GRIN2A: variants seen among roughly 807,000 people sequenced by gnomAD.
GRIN2A encodes the protein glutamate ionotropic receptor NMDA type subunit 2A.
In GRIN2A, 22 loss-of-function variants were observed where a neutral mutation model predicts 113.4. That is an observed-to-expected ratio of 0.19 (90% CI 0.14 to 0.28). The LOEUF is 0.28. GRIN2A is among the 10% of genes least tolerant of loss of function. GRIN2A has a pLI of 1.00. For synonymous variants in GRIN2A, 827 were observed against 738.4 expected, an observed-to-expected ratio of 1.12 and a Z score of -1.94; for missense variants, 1,502 against 1,887.0, an observed-to-expected ratio of 0.80 and a Z score of 3.78.
intron 11 of GRIN2A, among the ~76,000 whole-genome samples, chr16:9,793,393 T>G (rs1902744771): frequency 6.6e-6 from 1 of 152,136 alleles, no homozygotes; most frequent in Non-Finnish European, 1.5e-5. Context: ...CCACAATCAT[T>G]TTTTTGAAAA....
intron 3 of GRIN2A, among the ~76,000 whole-genome samples, chr16:9,892,159 A>C (rs1372739330): frequency 6.6e-6 from 1 of 152,128 alleles, no homozygotes; most frequent in African/African-American, 2.4e-5. Flanking sequence ...TGAACCCGGG[A>C]AGCAGAAGTC....
intron 2 of GRIN2A, among the ~76,000 whole-genome samples, chr16:10,165,561 C>T (rs1369507573): frequency 7.0e-6 from 1 of 143,440 alleles, no homozygotes; most frequent in Non-Finnish European, 1.5e-5. Flanking sequence ...TACTGATGAA[C>T]ACAATGATGT....
chr16:10,087,782 G>A (rs544942297), intron 2 of GRIN2A, among the ~76,000 whole-genome samples: 1 of 151,848 alleles, frequency 6.6e-6, no homozygotes, highest in African/African-American at 2.4e-5. Context: ...CTCCATCGGG[G>A]CTCAAGTGAT....
intron 2 of GRIN2A, among the ~76,000 whole-genome samples, chr16:9,968,399 C>T (rs1278029128): frequency 6.6e-6 from 1 of 151,500 alleles, no homozygotes; most frequent in African/African-American, 2.4e-5. Flanking sequence ...CTGCAACTTC[C>T]GCCTCCCGGG....
chr16:9,812,709 T>A (rs1049666463), intron 10 of GRIN2A, among the ~76,000 whole-genome samples: 11 of 151,806 alleles, frequency 7.2e-5, no homozygotes, highest in South Asian at 2.1e-4. Flanking sequence ...TAAAAAAATT[T>A]AAAAAACAAA....
intron 2 of GRIN2A, among the ~76,000 whole-genome samples, chr16:10,080,762 C>T (rs1039698913): frequency 6.6e-6 from 1 of 152,118 alleles, no homozygotes; most frequent in Non-Finnish European, 1.5e-5. Context: ...TGCCTGGGAC[C>T]CTCTTACCAT....
intron 2 of GRIN2A, among the ~76,000 whole-genome samples, chr16:10,085,090 T>G (rs2048060961): frequency 6.6e-6 from 1 of 152,188 alleles, no homozygotes; most frequent in Non-Finnish European, 1.5e-5. Context: ...AGGGAGAGTT[T>G]TGGTCACTTG....
intron 2 of GRIN2A, among the ~76,000 whole-genome samples, chr16:10,026,212 T>C (rs1293538469): frequency 2.0e-5 from 3 of 152,210 alleles, no homozygotes; most frequent in African/African-American, 4.8e-5. Context: ...AAATCCCAAC[T>C]TAGGTTCTCA....
At chr16:9,900,499 G>C (rs1265176825) in intron 3 of GRIN2A, among the ~76,000 whole-genome samples, 2 of 152,176 alleles carry the variant, frequency 1.3e-5, no homozygotes, top group Non-Finnish European at 2.9e-5. Flanking sequence ...TTAGGACAAA[G>C]CTTTTTTCTG....
intron 2 of GRIN2A, among the ~76,000 whole-genome samples, chr16:9,944,413 C>T: frequency 6.6e-6 from 1 of 152,088 alleles, no homozygotes; most frequent in East Asian, 1.9e-4. Flanking sequence ...TCCACCACCA[C>T]CCACCTCCCT....
chr16:9,792,713 A>T (rs1902689662), intron 11 of GRIN2A, among the ~76,000 whole-genome samples: 1 of 152,176 alleles, frequency 6.6e-6, no homozygotes, highest in African/African-American at 2.4e-5. Flanking sequence ...GGGATGAGTA[A>T]TGTCTATTGG....
chr16:9,843,313 T>C (rs572911110), intron 5 of GRIN2A, among the ~76,000 whole-genome samples: 14 of 152,162 alleles, frequency 9.2e-5, no homozygotes, highest in African/African-American at 2.9e-4. Flanking sequence ...TCTATATCCA[T>C]GAAGGTGGGC....
intron 3 of GRIN2A, among the ~76,000 whole-genome samples, chr16:9,904,405 T>G (rs1342356031): frequency 6.6e-6 from 1 of 152,152 alleles, no homozygotes; most frequent in African/African-American, 2.4e-5. Flanking sequence ...AGAGTCTTGC[T>G]CTGTCACCCA....
intron 10 of GRIN2A, among the ~76,000 whole-genome samples, chr16:9,813,104 T>C (rs1294871874): frequency 2.0e-5 from 3 of 152,206 alleles, no homozygotes; most frequent in African/African-American, 4.8e-5. Flanking sequence ...AGCAACCTTT[T>C]CAAAAATAAC....
chr16:9,951,661 T>C (rs940186387), intron 2 of GRIN2A, among the ~76,000 whole-genome samples: 2 of 152,118 alleles, frequency 1.3e-5, no homozygotes, highest in Non-Finnish European at 2.9e-5. Context: ...GGGAGAGATT[T>C]TAACAGAAAA....
intron 3 of GRIN2A, among the ~76,000 whole-genome samples, chr16:9,915,146 T>G (rs888335609): frequency 6.6e-6 from 1 of 151,124 alleles, no homozygotes; most frequent in Non-Finnish European, 1.5e-5. Context: ...CCATGTTAGC[T>G]AGGATGGTCT....
intron 2 of GRIN2A, among the ~76,000 whole-genome samples, chr16:9,962,669 T>G (rs993537868): frequency 3.3e-5 from 5 of 152,210 alleles, no homozygotes; most frequent in African/African-American, 1.2e-4. Context: ...TTGGTGGGAC[T>G]GTAAACTAGT....
rs1012229905 is a variant in GRIN2A, at chr16:9,964,411, T to C, written c.415-25860A>G. 3.9e-5 allele frequency among the ~76,000 whole-genome samples: 6 copies of C among 152,336 alleles called. No homozygotes were observed. In the East Asian group the frequency reaches 5.8e-4, roughly 15 times the overall value. ...TGTGACAATTTAATGGGATCAGCCA[T>C]GGTGCGTTCATTTTCTATTGCTGCT... On this transcript the variant is annotated intron_variant, in intron 2 of 12. Coordinates refer to ENST00000330684, the MANE Select transcript of GRIN2A (RefSeq NM_001134407.3).
intron 2 of GRIN2A, among the ~76,000 whole-genome samples, chr16:10,021,676 A>G (rs2046725493): frequency 6.6e-6 from 1 of 152,134 alleles, no homozygotes; most frequent in African/African-American, 2.4e-5. Flanking sequence ...TGAGGGGAAG[A>G]GCATTCCAGG....
Sources: allele counts gnomAD v4.1 joint callset (sites outside exome capture counted in the v4.1 genomes callset), GRCh38; gene constraint gnomAD v4.1.1; transcripts MANE v1.5; gene names NCBI Gene and HGNC (gene_info 2026-07-23, HGNC 2026-07-21).